The following NOC3L variants were observed in gnomAD, a reference collection of about 807,000 sequenced individuals.
NOC3L encodes the protein NOC3 like DNA replication regulator.
In NOC3L, 85 loss-of-function variants were observed where a neutral mutation model predicts 102.5. That is an observed-to-expected ratio of 0.83 (90% CI 0.70 to 0.99). The LOEUF is 0.99. NOC3L is among the 50% of genes least tolerant of loss of function. NOC3L has a pLI of 0.00. For synonymous variants in NOC3L, 303 were observed against 309.4 expected, an observed-to-expected ratio of 0.98 and a Z score of 0.22; for missense variants, 878 against 914.9, an observed-to-expected ratio of 0.96 and a Z score of 0.52.
intron 1 of NOC3L, among the ~76,000 whole-genome samples, chr10:94,362,505 G>A (rs1564920735): frequency 6.6e-6 from 1 of 152,106 alleles, no homozygotes; most frequent in Non-Finnish European, 1.5e-5. Flanking sequence ...TGGGTACCGT[G>A]ACTCACATTA....
chr10:94,362,660 C>T (rs751642766), intron 1 of NOC3L, among the ~76,000 whole-genome samples, 170 bp downstream of exon 1: 6 of 152,202 alleles, frequency 3.9e-5, no homozygotes, highest in Non-Finnish European at 8.8e-5. Flanking sequence ...GTGGTGCGCG[C>T]ACACAGTGGG....
At chr10:94,342,655 A>G (rs1554923437) in intron 13 of NOC3L, among the ~76,000 whole-genome samples, 1 of 151,648 alleles carries the variant, frequency 6.6e-6, no homozygotes, top group Non-Finnish European at 1.5e-5. Context: ...AAAATGGAGC[A>G]CTATAAATTT....
the NOC3L span, among the ~76,000 whole-genome samples, chr10:94,318,620 G>C: frequency 6.6e-6 from 1 of 152,280 alleles, no homozygotes; most frequent in African/African-American, 2.4e-5. Flanking sequence ...CATCCTTGTG[G>C]ATCACCCACA....
the NOC3L span, among the ~76,000 whole-genome samples, chr10:94,319,864 C>CTTTTTTTTTT: frequency 5.2e-4 from 48 of 92,934 alleles, 6 homozygotes; most frequent in East Asian, 1.6e-3. Flanking sequence ...CAAAGGTGCT[C>CTTTTTTTTTT]TTTTTTTTTT....
intron 14 of NOC3L, 134 bp downstream of exon 14, chr10:94,341,539 C>CT (rs1183809786): frequency 7.0e-6 from 3 of 429,248 alleles, no homozygotes; most frequent in Admixed American, 4.3e-5. Context: ...GATCATAGGC[C>CT]TTTGTCAAAA....
At chr10:94,330,008 T>C (rs1224697392), downstream of NOC3L, 1 of 152,174 alleles carries the variant, frequency 6.6e-6, no homozygotes, top group Non-Finnish European at 1.5e-5. Flanking sequence ...AAACACTTTA[T>C]CAAGCCTCTA....
At position 94,339,725 on chromosome 10, in the gene NOC3L, G is replaced by A; in HGVS notation, c.1962+14C>T. On this transcript the variant is annotated intron_variant, in intron 17 of 20. Transcript: ENST00000371361. Reference sequence around the variant, plus strand: ...TATAAGAACTTAGCTCTGTTCATTTGTATCACTACTTACATGCATTAATAT... The same window carrying A: ...TATAAGAACTTAGCTCTGTTCATTTATATCACTACTTACATGCATTAATAT... 6.2e-7 allele frequency: 1 copy of A among 1,602,194 alleles called. No individual in the cohort carries two copies. Among genetic ancestry groups the A allele is most frequent in the Non-Finnish European group, 8.5e-7 (1 of 1,172,522 alleles).
At chr10:94,341,031 G>A (rs1461969026) in intron 14 of NOC3L, among the ~76,000 whole-genome samples, 1 of 151,166 alleles carries the variant, frequency 6.6e-6, no homozygotes, top group Non-Finnish European at 1.5e-5. Context: ...AATTAGCCAG[G>A]TATGGTGCCC....
the NOC3L span, among the ~76,000 whole-genome samples, chr10:94,326,207 A>C: frequency 6.6e-6 from 1 of 152,230 alleles, no homozygotes; most frequent in Non-Finnish European, 1.5e-5. Context: ...TGTTTATGTG[A>C]CAGAGCTTCA....
chr10:94,332,790 A>G (rs1027565011), downstream of NOC3L: 1 of 152,210 alleles, frequency 6.6e-6, no homozygotes, highest in Non-Finnish European at 1.5e-5. Flanking sequence ...ATGTATTTGT[A>G]TATGTGTGGA....
chr10:94,317,368 T>C, the NOC3L span, among the ~76,000 whole-genome samples: 1 of 152,184 alleles, frequency 6.6e-6, no homozygotes, highest in South Asian at 2.1e-4. Flanking sequence ...ATGCATGTCA[T>C]CAGCTATGGG....
the NOC3L span, among the ~76,000 whole-genome samples, chr10:94,319,757 A>G: frequency 6.6e-6 from 1 of 152,152 alleles, no homozygotes; most frequent in African/African-American, 2.4e-5. Context: ...GCTTAGTAAA[A>G]AGGGATATAA....
At chr10:94,356,883 TA>T (rs1201470114) in intron 4 of NOC3L, among the ~76,000 whole-genome samples, 2 of 152,160 alleles carry the variant, frequency 1.3e-5, no homozygotes, top group East Asian at 3.8e-4. Flanking sequence ...GAAGATACAT[TA>T]AAAAAGAAAG....
chr10:94,355,549 C>T (rs1393512082), intron 5 of NOC3L, among the ~76,000 whole-genome samples: 2 of 151,638 alleles, frequency 1.3e-5, no homozygotes, highest in African/African-American at 4.8e-5. Flanking sequence ...CCACAATACC[C>T]AGCTAATTTT....
At chr10:94,322,667 C>T in the NOC3L span, among the ~76,000 whole-genome samples, 8 of 152,158 alleles carry the variant, frequency 5.3e-5, no homozygotes, top group African/African-American at 1.7e-4. Context: ...CACCTGTAAT[C>T]CCAGCTACTT....
At position 94,344,484 on chromosome 10, in the gene NOC3L, G is replaced by A; in HGVS notation, c.1502C>T (p.Thr501Ile). Residue 501 changes from threonine (T) to isoleucine (I), a missense_variant, in exon 13 of 21, where the codon ACC (threonine) becomes ATC (isoleucine). By Grantham distance (89) the Thr-to-Ile change is moderately conservative (BLOSUM62 -1). Transcript: ENST00000371361. ...HTETLNIVFV[T>I]YFRILKKAQR... ...GGCCTTCTTCAATATTCTGAAGTAG[G>A]TTACAAACACAATATTCAGAGTCTC... 6.2e-7 allele frequency: 1 copy of A among 1,613,608 alleles called. No homozygotes were observed. The highest frequency in any genetic ancestry group is 8.5e-7 in the Non-Finnish European group (1 of 1,179,622).
rs1476824606 is a variant in NOC3L at position 94,334,304 on chromosome 10, C to A, written c.2276G>T (p.Gly759Val). Residue 759 changes from glycine (G) to valine (V), a missense_variant and splice_region_variant, in exon 21 of 21, where the codon GGT becomes GTT. Transcript: ENST00000371361. ...AAATGAATCCCCTTGTAAAAATTTA[C>A]CCTAGGAAAATATTTAAAGTATGAG... ...PVESSNPKIK[G>V]KFLQGDSFLN... 1.9e-6 allele frequency: 3 copies of A among 1,578,508 alleles called. No homozygotes were observed. Among genetic ancestry groups the A allele is most frequent in the East Asian group, 4.5e-5 (2 of 44,654 alleles).
rs185138339 is a variant in NOC3L at position 94,353,682 on chromosome 10, G to C, written c.697-625C>G. ...TTTGTCATATAGTTAGAAACATACAGACCTTAAAAAATTAGTTTACATTTA... is the reference window on the plus strand; with the variant it reads ...TTTGTCATATAGTTAGAAACATACACACCTTAAAAAATTAGTTTACATTTA... On this transcript the variant is annotated intron_variant, in intron 6 of 20. Transcript: ENST00000371361. Among the ~76,000 whole-genome samples, 278 of 152,232 alleles carry C rather than the reference G, an allele frequency of 1.8e-3. 1 individual carries two copies. Among genetic ancestry groups the C allele is most frequent in the Admixed American group, 3.5e-3 (53 of 15,296 alleles).
At chr10:94,324,233 A>C in the NOC3L span, 3 of 821,714 alleles carry the variant, frequency 3.7e-6, no homozygotes, top group Non-Finnish European at 6.4e-6. Flanking sequence ...AATGATCTGG[A>C]AGATCCCCTT....
Sources: gnomAD v4.1 joint callset for allele counts (sites outside exome capture counted in the v4.1 genomes callset) on GRCh38, gnomAD v4.1.1 for gene constraint, MANE v1.5 for transcripts, NCBI Gene and HGNC (gene_info 2026-07-23, HGNC 2026-07-21) for gene names.